Variants in CELF6 observed in about 807,000 individuals in gnomAD.
CELF6 encodes Bruno -like 6, RNA binding protein.
In CELF6, 32 loss-of-function variants were observed where a neutral mutation model predicts 53.1. The ratio of observed to expected loss-of-function variants is 0.60; its 90% CI spans 0.46 to 0.81. The LOEUF is 0.81. Ranked by LOEUF, CELF6 falls within the 30% of genes least tolerant of loss-of-function variation. CELF6 has a pLI of 0.00. For missense variants in CELF6, 539 were observed against 669.5 expected (o/e 0.81, Z 2.15); for synonymous variants, 291 against 288.8 (o/e 1.01, Z -0.08).
chr15:72,305,748 A>G (rs2141200397), intron 2 of CELF6, among the ~76,000 whole-genome samples: 1 of 151,908 alleles, frequency 6.6e-6, no homozygotes, highest in East Asian at 1.9e-4. Flanking sequence ...TCCAGCCTGC[A>G]TTCTCCTCTG....
intron 3 of CELF6, among the ~76,000 whole-genome samples, chr15:72,298,451 C>A (rs1348935851): frequency 6.6e-6 from 1 of 152,180 alleles, no homozygotes; most frequent in Non-Finnish European, 1.5e-5. Flanking sequence ...ATTTTAAAAT[C>A]CTCAGAGAAT....
At position 72,289,371 on chromosome 15, in the gene CELF6, G is replaced by C. The variant is rs748428650; in HGVS notation, c.880+4C>G. Reference sequence around the variant, plus strand: ...AGGCGCGCCCCAGTCCCTGGGGGCCGTACCTGCCGCGGGCAACAGAGGCGC... The same window carrying C: ...AGGCGCGCCCCAGTCCCTGGGGGCCCTACCTGCCGCGGGCAACAGAGGCGC... On this transcript the variant is annotated splice_donor_region_variant and intron_variant, in intron 7 of 12. Transcript: ENST00000287202. The surrounding 1 kb of genome is among the most constrained non-coding windows in gnomAD (Gnocchi z 7.6). The C allele has an allele frequency of 3.2e-6, 5 of 1,549,694 alleles. No individual in the cohort carries two copies. The highest frequency in any genetic ancestry group is 4.3e-6 in the Non-Finnish European group (5 of 1,156,040).
chr15:72,286,783 C>T (rs1433797605), intron 12 of CELF6, among the ~76,000 whole-genome samples: 3 of 152,314 alleles, frequency 2.0e-5, no homozygotes, highest in Non-Finnish European at 4.4e-5. Context: ...TGTTCACTGC[C>T]ACTATCTCAG....
chr15:72,301,604 G>A (rs1465477039), intron 3 of CELF6, among the ~76,000 whole-genome samples: 2 of 152,126 alleles, frequency 1.3e-5, no homozygotes, highest in African/African-American at 2.4e-5. Flanking sequence ...AGGTGTGTGT[G>A]ACCATTGACT....
intron 3 of CELF6, among the ~76,000 whole-genome samples, chr15:72,293,553 G>T (rs568414302): frequency 6.6e-6 from 1 of 152,174 alleles, no homozygotes; most frequent in African/African-American, 2.4e-5. Flanking sequence ...AAACATGGAC[G>T]CTCAACCTTC....
At chr15:72,316,494 G>A (rs1464600341) in intron 1 of CELF6, among the ~76,000 whole-genome samples, 1 of 152,118 alleles carries the variant, frequency 6.6e-6, no homozygotes, top group Non-Finnish European at 1.5e-5. Flanking sequence ...TTGGTTTAAG[G>A]GCTTCCCATA....
intron 3 of CELF6, among the ~76,000 whole-genome samples, chr15:72,291,462 C>T (rs1183560972): frequency 6.6e-6 from 1 of 152,146 alleles, no homozygotes; most frequent in Non-Finnish European, 1.5e-5. Flanking sequence ...TCTTCAAGAC[C>T]TTGGAGTGCA....
At chr15:72,316,938 G>A (rs1595787723) in intron 1 of CELF6, among the ~76,000 whole-genome samples, 1 of 152,178 alleles carries the variant, frequency 6.6e-6, no homozygotes, top group East Asian at 1.9e-4. Context: ...TCTCAAAGAA[G>A]GCACTGAGTC....
chr15:72,291,795 A>G (rs1389332860), intron 3 of CELF6, among the ~76,000 whole-genome samples: 1 of 152,164 alleles, frequency 6.6e-6, no homozygotes, highest in African/African-American at 2.4e-5. Context: ...GGGGCAGGCA[A>G]AATGTGTTTT....
chr15:72,295,725 CA>C (rs35288698), intron 3 of CELF6, among the ~76,000 whole-genome samples: 90,828 of 109,148 alleles, frequency 0.83, 37,817 homozygotes, highest in South Asian at 0.94. Context: ...GACTCTGTCT[CA>C]AAAAAAAAAA....
At chr15:72,314,391 G>A (rs1367299841) in intron 2 of CELF6, among the ~76,000 whole-genome samples, 2 of 152,038 alleles carry the variant, frequency 1.3e-5, no homozygotes, top group African/African-American at 2.4e-5. Context: ...TACTTATTGA[G>A]ATCTTACTCT....
At position 72,284,935 on chromosome 15, in the gene CELF6, TA is replaced by T. The variant is rs1188446315; in HGVS notation, c.*1435del. ...GGAGGGGAAATCCTCCTGGGAAAAA[TA>T]TGTGCAAGGCCCTACAGGCCCAGGA... On this transcript the variant is annotated 3_prime_UTR_variant, in exon 13 of 13. Coordinates refer to ENST00000287202, the MANE Select transcript of CELF6 (RefSeq NM_052840.5). The T allele has an allele frequency of 6.6e-6, 1 of 152,424 alleles. No homozygotes were observed. Among genetic ancestry groups the T allele is most frequent in the African/African-American group, 2.4e-5 (1 of 41,354 alleles). 9.4% of individuals were successfully genotyped at this position (152,424 alleles called of 1,614,324 possible).
intron 3 of CELF6, among the ~76,000 whole-genome samples, chr15:72,295,857 A>G (rs996628217): frequency 1.3e-5 from 2 of 152,212 alleles, no homozygotes; most frequent in African/African-American, 4.8e-5. Flanking sequence ...TGTAATCTCT[A>G]TAAACTCCCA....
chr15:72,289,496 G>C lies in CELF6; in HGVS notation c.759C>G (p.His253Gln), dbSNP rs2087973844. Residue 253 changes from histidine to glutamine, a missense_variant, in exon 7 of 13, where the codon CAC (histidine) becomes CAG (glutamine). Physicochemically the swap from His to Gln is conservative, Grantham distance 24 (BLOSUM62 0). Transcript: ENST00000287202. The surrounding 1 kb of genome is among the most constrained non-coding windows in gnomAD (Gnocchi z 7.6). ...CGAYTTAILQ[H>Q]QAALLAAAQG... Reference sequence around the variant, plus strand: ...GTGCCGCCGCCAGCAGGGCCGCCTGGTGCTGCAGGATCTTTGAGAGGAAAG... The same window carrying C: ...GTGCCGCCGCCAGCAGGGCCGCCTGCTGCTGCAGGATCTTTGAGAGGAAAG... 6.6e-7 allele frequency: 1 copy of C among 1,520,692 alleles called. No homozygotes were observed. The highest frequency in any genetic ancestry group is 1.4e-5 in the African/African-American group (1 of 71,814). The allele number at this position is 1,520,692 out of a possible 1,614,324, so 94.2% of individuals were successfully genotyped here.
At chr15:72,291,105 T>G (rs1010432729) in intron 3 of CELF6, among the ~76,000 whole-genome samples, 8 of 152,220 alleles carry the variant, frequency 5.3e-5, no homozygotes, top group African/African-American at 1.9e-4. Context: ...GAACAAGTTC[T>G]GCCTATAGAC....
intron 2 of CELF6, among the ~76,000 whole-genome samples, chr15:72,311,665 G>A (rs1232675936): frequency 6.6e-6 from 1 of 152,174 alleles, no homozygotes; most frequent in Non-Finnish European, 1.5e-5. Flanking sequence ...GCCTCCCAAA[G>A]TGCTGGGATT....
Position 72,290,124 on chromosome 15 carries a change from C to A in CELF6, c.523+3G>T. 1 of 1,613,756 alleles carries A rather than the reference C, an allele frequency of 6.2e-7. No homozygotes were observed. The highest frequency in any genetic ancestry group is 1.1e-5 in the South Asian group (1 of 91,058). Reference sequence around the variant, plus strand: ...AGGAAATCCCGGGGTCAGCTCAGGTCACCTTTACTGGTGCCGTCAGGACTC... The same window carrying A: ...AGGAAATCCCGGGGTCAGCTCAGGTAACCTTTACTGGTGCCGTCAGGACTC... On this transcript the variant is annotated splice_donor_region_variant and intron_variant, in intron 4 of 12. Transcript: ENST00000287202.
chr15:72,315,751 G>C, intron 2 of CELF6, 94 bp downstream of exon 2: 2 of 793,646 alleles, frequency 2.5e-6, no homozygotes, highest in Non-Finnish European at 3.9e-6. Context: ...CTAGTTCTCG[G>C]TCCCAACCCA....
In CELF6 at chr15:72,286,108, G is replaced by C. The variant is rs1196416939; in HGVS notation, c.*263C>G. 1 of 152,602 alleles carries C rather than the reference G, an allele frequency of 6.6e-6. No homozygotes were observed. The highest frequency in any genetic ancestry group is 2.4e-5 in the African/African-American group (1 of 41,434). The allele number at this position is 152,602 out of a possible 1,614,324, so 9.5% of individuals were successfully genotyped here. A position where few individuals can be genotyped will look rare whatever the true frequency, so the allele number is the denominator to read the frequency against. On this transcript the variant is annotated 3_prime_UTR_variant, in exon 13 of 13. Transcript: ENST00000287202. ...CGGAGAAGCCCTTGGCACCCCCAAC[G>C]CCCTCTGCTGGTTCCCCTGGACAGT...
Sources: allele counts gnomAD v4.1 joint callset (sites outside exome capture counted in the v4.1 genomes callset), GRCh38; gene constraint gnomAD v4.1.1; non-coding constraint Gnocchi (gnomAD v3.1); transcripts MANE v1.5; gene names NCBI Gene and HGNC (gene_info 2026-07-23, HGNC 2026-07-21).